The following PKD2L1 variants were observed in gnomAD, a reference collection of about 807,000 sequenced individuals.
PKD2L1 encodes the protein polycystin 2 like 1, transient receptor potential cation channel, also known as polycystin-2-like protein 1.
A neutral mutation model predicts 93.0 loss-of-function variants in PKD2L1; 77 were observed. That is an observed-to-expected ratio of 0.83 (90% CI 0.69 to 1.00). The LOEUF (loss-of-function observed/expected upper bound fraction) is 1.00, where lower values mean the gene tolerates loss of function less well. Ranked by LOEUF, PKD2L1 falls within the 50% of genes least tolerant of loss-of-function variation. The pLI is 0.00. For missense variants in PKD2L1, 977 were observed against 990.9 expected (o/e 0.99, Z 0.19); for synonymous variants, 390 against 388.0 (o/e 1.01, Z -0.06).
chr10:100,317,481 G>A (rs1431710003), intron 2 of PKD2L1, among the ~76,000 whole-genome samples: 1 of 152,224 alleles, frequency 6.6e-6, no homozygotes, highest in East Asian at 1.9e-4. Context: ...CAAGGGTACA[G>A]TGAGCCCTGA....
chr10:100,300,114 C>G (rs576899414), intron 2 of PKD2L1, among the ~76,000 whole-genome samples: 2 of 152,288 alleles, frequency 1.3e-5, no homozygotes, highest in African/African-American at 4.8e-5. Flanking sequence ...GGTAGTGATG[C>G]CTTTTGGAAA....
intron 2 of PKD2L1, among the ~76,000 whole-genome samples, chr10:100,301,775 A>C (rs1848683465): frequency 6.6e-6 from 1 of 152,224 alleles, no homozygotes; most frequent in African/African-American, 2.4e-5. Context: ...CGGGATTAAG[A>C]GATTAAAGTA....
intron 8 of PKD2L1, 43 bp from the exon 9 acceptor site, chr10:100,294,698 C>A: frequency 6.2e-7 from 1 of 1,611,366 alleles, no homozygotes. Flanking sequence ...CTAACAAACA[C>A]CCCCCATCCC....
intron 2 of PKD2L1, among the ~76,000 whole-genome samples, 165 bp downstream of exon 2, chr10:100,329,046 T>C (rs1425723807): frequency 6.6e-6 from 1 of 152,200 alleles, no homozygotes; most frequent in East Asian, 1.9e-4. Flanking sequence ...GCTGCAAAGG[T>C]AAATAGATGG....
At chr10:100,297,361 A>C (rs1384107523) in intron 5 of PKD2L1, 21 bp downstream of exon 5, 6 of 1,597,686 alleles carry the variant, frequency 3.8e-6, no homozygotes, top group Non-Finnish European at 5.1e-6. Context: ...CAGGGTGATA[A>C]AGTAGGGAAA....
At chr10:100,293,227 C>G in intron 10 of PKD2L1, 54 bp downstream of exon 10, 1 of 1,520,940 alleles carries the variant, frequency 6.6e-7, no homozygotes, top group East Asian at 2.3e-5. Flanking sequence ...GGACACAGAG[C>G]CTTAGACTGG....
chr10:100,317,107 T>C (rs967487302), intron 2 of PKD2L1, among the ~76,000 whole-genome samples: 1 of 151,960 alleles, frequency 6.6e-6, no homozygotes, highest in African/African-American at 2.4e-5. Flanking sequence ...AAAAATAAAA[T>C]AAAATAAATT....
intron 11 of PKD2L1, 81 bp from the exon 12 acceptor site, chr10:100,291,508 G>C (rs775000928): frequency 2.2e-5 from 32 of 1,468,612 alleles, no homozygotes; most frequent in East Asian, 1.6e-4. Flanking sequence ...TCTTTTGCTT[G>C]ACTCTGGCAA....
chr10:100,326,921 G>A (rs1304313805), intron 2 of PKD2L1, among the ~76,000 whole-genome samples: 1 of 152,152 alleles, frequency 6.6e-6, no homozygotes, highest in African/African-American at 2.4e-5. Context: ...AAAGTACCAT[G>A]ATAAAATAGA....
Position 100,298,771 on chromosome 10 carries a change from C to A in PKD2L1, c.522G>T (p.Trp174Cys). The A allele has an allele frequency of 6.2e-7, 1 of 1,613,648 alleles. No homozygotes were observed. The highest frequency in any genetic ancestry group is 8.5e-7 in the Non-Finnish European group (1 of 1,179,952). The change falls in exon 4 of 16, where the codon TGG (tryptophan) becomes TGT (cysteine). Residue 174 changes from tryptophan (W) to cysteine (C), a missense_variant. Coordinates refer to ENST00000318222, the MANE Select transcript of PKD2L1 (RefSeq NM_016112.3). ...PLLDSLYWTK[W>C]YNNQSLGHGS... is the part of the protein sequence containing the mutation. The stretch of plus-strand genomic sequence containing the variant: ...CATGGCCCAGGCTCTGGTTGTTGTA[C>A]CATTTGGTCCAATACAAACTGTCCA...
intron 2 of PKD2L1, among the ~76,000 whole-genome samples, chr10:100,314,374 G>A (rs985782905): frequency 6.6e-6 from 1 of 152,138 alleles, no homozygotes; most frequent in South Asian, 2.1e-4. Context: ...AAAAGCTGTG[G>A]GCAGAGGTAG....
At chr10:100,326,784 G>A (rs1849388839) in intron 2 of PKD2L1, among the ~76,000 whole-genome samples, 1 of 152,186 alleles carries the variant, frequency 6.6e-6, no homozygotes, top group Non-Finnish European at 1.5e-5. Flanking sequence ...TTGCTTGAGG[G>A]CCCTCAGATG....
intron 6 of PKD2L1, among the ~76,000 whole-genome samples, 158 bp downstream of exon 6, chr10:100,296,822 G>T (rs891464940): frequency 1.3e-5 from 2 of 151,990 alleles, no homozygotes; most frequent in Admixed American, 6.6e-5. Flanking sequence ...TGAGAGAGGG[G>T]AACATGTCCC....
At position 100,299,643 on chromosome 10, in the gene PKD2L1, G is replaced by A. The variant is rs1325629648; in HGVS notation, c.425C>T (p.Ser142Leu). Residue 142 changes from serine (S) to leucine (L), a missense_variant, in exon 3 of 16, where the codon TCA (serine) becomes TTA (leucine). Ser to Leu is a moderately radical substitution (Grantham distance 145, BLOSUM62 -2). Coordinates refer to ENST00000318222, the MANE Select transcript of PKD2L1 (RefSeq NM_016112.3). ...GGCCTGAAAGGAGACTCCAGTGTCTGATGGAGTATGTAAGAAGAGCTCAGA... is the reference window on the plus strand; with the variant it reads ...GGCCTGAAAGGAGACTCCAGTGTCTAATGGAGTATGTAAGAAGAGCTCAGA... ...VMSELFLHTP[S>L]DTGVSFQAIS... The A allele has an allele frequency of 3.7e-6, 6 of 1,610,372 alleles. No individual in the cohort carries two copies. The African/African-American group carries it at 6.7e-5, about 18-fold the overall frequency.
chr10:100,293,159 A>G (rs550426911), intron 10 of PKD2L1, 90 bp from the exon 11 acceptor site: 10 of 1,587,446 alleles, frequency 6.3e-6, no homozygotes, highest in East Asian at 2.2e-5. Flanking sequence ...CAGGCTTCCA[A>G]GGATAAATTT....
Position 100,294,932 on chromosome 10 carries a change from G to T in PKD2L1, c.1538+10C>A. On this transcript the variant is annotated intron_variant, in intron 8 of 15. Transcript: ENST00000318222. ...GGGCCAGGGAGGAGTGAAGGGGACA[G>T]GACACACACATGCACTTGATGAAAG... The T allele has an allele frequency of 1.2e-6, 2 of 1,608,532 alleles. No homozygotes were observed. Among genetic ancestry groups the T allele is most frequent in the Non-Finnish European group, 1.7e-6 (2 of 1,176,940 alleles).
intron 10 of PKD2L1, 28 bp downstream of exon 10, chr10:100,293,253 G>C: frequency 6.4e-7 from 1 of 1,553,124 alleles, no homozygotes; most frequent in African/African-American, 1.4e-5. Flanking sequence ...TGATGGAAAT[G>C]TGTAGCTCAA....
intron 2 of PKD2L1, among the ~76,000 whole-genome samples, chr10:100,300,994 A>T (rs183677054): frequency 5.3e-5 from 8 of 152,276 alleles, no homozygotes; most frequent in Admixed American, 5.2e-4. Context: ...TGCTGGTCTG[A>T]GAAATAAAGG....
rs1848557760 is a variant in PKD2L1, at chr10:100,297,067, ATAG to A, written c.1095_1097del (p.Tyr366del). On this transcript the variant is annotated inframe_deletion, in exon 6 of 16. Coordinates refer to ENST00000318222, the MANE Select transcript of PKD2L1 (RefSeq NM_016112.3). ...GGAGCTCCAGGATCTCTTCCACCAC[ATAG>A]TAGAAGATGAAGACGCAGAAGATGA... 1 of 1,613,834 alleles carries A rather than the reference ATAG, an allele frequency of 6.2e-7. No homozygotes were observed. The highest frequency in any genetic ancestry group is 1.6e-4 in the Middle Eastern group (1 of 6,062).
Sources: allele counts gnomAD v4.1 joint callset (sites outside exome capture counted in the v4.1 genomes callset), GRCh38; gene constraint gnomAD v4.1.1; transcripts MANE v1.5; gene names NCBI Gene and HGNC (gene_info 2026-07-23, HGNC 2026-07-21).